The following BDP1 variants were observed in gnomAD, a reference collection of about 807,000 sequenced individuals.
The protein encoded by BDP1 is BDP1 general transcription factor IIIB subunit.
A neutral mutation model predicts 266.6 loss-of-function variants in BDP1; 169 were observed. The observed-to-expected ratio is 0.63, with a 90% confidence interval of 0.56 to 0.72. The LOEUF (loss-of-function observed/expected upper bound fraction) is 0.72. Among genes scored for constraint, BDP1 ranks in the 30% least tolerant of loss-of-function variants. The pLI is 0.00. For synonymous variants in BDP1, 1,090 were observed against 1,022.4 expected (o/e 1.07, Z -1.26); for missense variants, 3,015 against 3,053.8 (o/e 0.99, Z 0.30).
Position 71,557,375 on chromosome 5 carries a change from A to ATTTTTTTTT in BDP1, c.7240+469_7240+477dup, listed in dbSNP as rs55810132. On this transcript the variant is annotated intron_variant, in intron 36 of 38. Coordinates refer to ENST00000358731, the MANE Select transcript of BDP1 (RefSeq NM_018429.3). ...AGGCATGCGCCACTATGCCAAGCTA[A>ATTTTTTTTT]TTTTTTTTTTTTTTTTTTTTTTTTT... Among the ~76,000 whole-genome samples, 5 of 103,350 alleles carry ATTTTTTTTT rather than the reference A, an allele frequency of 4.8e-5. 1 individual carries two copies. The highest frequency in any genetic ancestry group is 1.3e-4 in the African/African-American group (3 of 22,616). The allele number at this position is 103,350 out of a possible 152,430, so 67.8% of individuals were successfully genotyped here.
chr5:71,464,715 G>GTTTTTTTTTTTTTTT (rs567761591), intron 4 of BDP1, among the ~76,000 whole-genome samples: 2 of 88,060 alleles, frequency 2.3e-5, no homozygotes, highest in Non-Finnish European at 4.3e-5. Flanking sequence ...AAATTTTTTA[G>GTTTTTTTTTTTTTTT]TTTTTTTTTT....
chr5:71,501,215 A>C (rs1422539895), intron 13 of BDP1, among the ~76,000 whole-genome samples: 1 of 152,168 alleles, frequency 6.6e-6, no homozygotes, highest in African/African-American at 2.4e-5. Context: ...TCACTCTGTC[A>C]CCCAGGCTGG....
chr5:71,530,895 T>C (rs1412213988), intron 25 of BDP1, among the ~76,000 whole-genome samples: 1 of 152,090 alleles, frequency 6.6e-6, no homozygotes, highest in Non-Finnish European at 1.5e-5. Flanking sequence ...CTAGGCAACA[T>C]GGCGAAACCT....
At chr5:71,473,097 C>G (rs1762364068) in intron 7 of BDP1, among the ~76,000 whole-genome samples, 1 of 151,260 alleles carries the variant, frequency 6.6e-6, no homozygotes, top group Non-Finnish European at 1.5e-5. Context: ...GTTGCTCAGG[C>G]TGGTCTGGGA....
intron 2 of BDP1, among the ~76,000 whole-genome samples, chr5:71,460,366 C>T (rs998160979): frequency 3.9e-5 from 6 of 152,090 alleles, no homozygotes; most frequent in African/African-American, 1.2e-4. Context: ...AGTGACAGAG[C>T]GAGACTCCGT....
chr5:71,530,577 A>T (rs1042834224), intron 25 of BDP1, among the ~76,000 whole-genome samples: 1 of 151,104 alleles, frequency 6.6e-6, no homozygotes, highest in East Asian at 2.0e-4. Context: ...TGGAGACAAG[A>T]TCTTGCTGTG....
At position 71,464,133 on chromosome 5, in the gene BDP1, T is replaced by C; in HGVS notation, c.659+16T>C. ...AGACAAGAGAGTAAGTATTTTATTT[T>C]TGAATATATTCTATTCCTACATTTT... On this transcript the variant is annotated intron_variant, in intron 4 of 38. Transcript: ENST00000358731. 3 of 1,463,730 alleles carry C rather than the reference T, an allele frequency of 2.0e-6. No individual in the cohort carries two copies. The highest frequency in any genetic ancestry group is 2.8e-6 in the Non-Finnish European group (3 of 1,068,982). 90.7% of individuals were successfully genotyped at this position (1,463,730 alleles called of 1,614,324 possible). A position where few individuals can be genotyped will look rare whatever the true frequency, so the allele number is the denominator to read the frequency against.
Position 71,562,810 on chromosome 5 carries a change from T to G in BDP1, c.7743+290T>G, listed in dbSNP as rs1374221491. On this transcript the variant is annotated intron_variant, in intron 38 of 38. Coordinates refer to ENST00000358731, the MANE Select transcript of BDP1 (RefSeq NM_018429.3). ...GACTTGTGGAAGCAAAAGGAAGCAG[T>G]GCTGACACCCACAAGAATTTAAGGA... The G allele has an allele frequency of 5.2e-6, 7 of 1,336,828 alleles. No homozygotes were observed. In the East Asian group the frequency reaches 2.2e-4, roughly 43 times the overall value. The allele number at this position is 1,336,828 out of a possible 1,614,324, so 82.8% of individuals were successfully genotyped here. A position where few individuals can be genotyped will look rare whatever the true frequency, so the allele number is the denominator to read the frequency against.
At chr5:71,573,945 A>C in the BDP1 span, among the ~76,000 whole-genome samples, 1 of 152,206 alleles carries the variant, frequency 6.6e-6, no homozygotes, top group African/African-American at 2.4e-5. Flanking sequence ...CAGATTCCTC[A>C]TACCGTGGCT....
chr5:71,478,688 T>C (rs1021464833), intron 7 of BDP1, among the ~76,000 whole-genome samples: 7 of 152,110 alleles, frequency 4.6e-5, no homozygotes, highest in Non-Finnish European at 1.0e-4. Context: ...AGTATTCAGC[T>C]GTATGACGAT....
chr5:71,499,294 T>G (rs1390313522), intron 13 of BDP1, among the ~76,000 whole-genome samples: 24 of 152,134 alleles, frequency 1.6e-4, no homozygotes, highest in Admixed American at 1.6e-3. Context: ...GAGACTAGGT[T>G]TCACCATATT....
intron 37 of BDP1, among the ~76,000 whole-genome samples, chr5:71,561,982 C>G (rs553979561): frequency 5.3e-5 from 8 of 151,994 alleles, no homozygotes; most frequent in African/African-American, 1.9e-4. Flanking sequence ...CGGTGGCTCA[C>G]GCCTGTAATT....
chr5:71,498,356 A>G (rs746761437), intron 13 of BDP1, among the ~76,000 whole-genome samples: 1 of 152,132 alleles, frequency 6.6e-6, no homozygotes, highest in Non-Finnish European at 1.5e-5. Flanking sequence ...TCAGCTTCCC[A>G]GTGTGCTGGG....
chr5:71,544,961 C>A, intron 31 of BDP1, 78 bp from the exon 32 acceptor site: 11 of 1,175,768 alleles, frequency 9.4e-6, no homozygotes, highest in East Asian at 3.4e-5. Flanking sequence ...ATTAGATGAT[C>A]TTTTACACAC....
rs918607370 is a variant in BDP1, at chr5:71,549,339, T to C, written c.6809-81T>C. ...GATGATAAGTTGTCCTGAGACTGTC[T>C]TTTTAGAAATGAAATAAATTAATGA... On this transcript the variant is annotated intron_variant, in intron 33 of 38. Transcript: ENST00000358731. 25 of 1,175,002 alleles carry C rather than the reference T, an allele frequency of 2.1e-5. No homozygotes were observed. The Admixed American group carries it at 4.4e-4, about 21-fold the overall frequency. 72.8% of individuals were successfully genotyped at this position (1,175,002 alleles called of 1,614,324 possible).
chr5:71,506,786 AACACACACACAC>A (rs70992971), intron 16 of BDP1, among the ~76,000 whole-genome samples: 29 of 64,406 alleles, frequency 4.5e-4, no homozygotes, highest in African/African-American at 7.9e-4. Flanking sequence ...ATATATTTGA[AACACACACACAC>A]ACACACACAC....
At chr5:71,459,661 C>G (rs1761420997) in intron 2 of BDP1, among the ~76,000 whole-genome samples, 1 of 152,180 alleles carries the variant, frequency 6.6e-6, no homozygotes, top group African/African-American at 2.4e-5. Context: ...TCTAGAAGGG[C>G]AGGTAACAGC....
In BDP1 at chr5:71,464,209, AT is replaced by A. The variant is rs1045239633; in HGVS notation, c.659+94del. On this transcript the variant is annotated intron_variant, in intron 4 of 38. Transcript: ENST00000358731. ...TCCTGTTATAGTTGAATTACATTTGATTGGGGTTGGGCACAGTGGTTCACTC... is the reference window on the plus strand; with the variant it reads ...TCCTGTTATAGTTGAATTACATTTGATGGGGTTGGGCACAGTGGTTCACTC... 4.3e-5 allele frequency: 35 copies of A among 810,804 alleles called. No homozygotes were observed. In the African/African-American group the frequency reaches 6.0e-4, roughly 14 times the overall value. 50.2% of individuals were successfully genotyped at this position (810,804 alleles called of 1,614,324 possible).
intron 10 of BDP1, among the ~76,000 whole-genome samples, chr5:71,490,696 TAAGTC>T (rs1234200490): frequency 6.6e-6 from 1 of 152,176 alleles, no homozygotes; most frequent in Non-Finnish European, 1.5e-5. Context: ...AAAGAATAGT[TAAGTC>T]AACTTTTAGT....
Sources: allele counts gnomAD v4.1 joint callset (sites outside exome capture counted in the v4.1 genomes callset), GRCh38; gene constraint gnomAD v4.1.1; transcripts MANE v1.5; gene names NCBI Gene and HGNC (gene_info 2026-07-23, HGNC 2026-07-21).